GRID2: variants seen among roughly 807,000 people sequenced by gnomAD.
GRID2 encodes the protein glutamate receptor ionotropic, delta-2.
A neutral mutation model predicts 114.8 loss-of-function variants in GRID2; 33 were observed. That is an observed-to-expected ratio of 0.29 (90% confidence interval 0.22 to 0.38). The LOEUF is 0.38. GRID2 is among the 10% of genes least tolerant of loss of function. The pLI is 1.00. For missense variants in GRID2, 1,184 were observed against 1,257.7 expected (o/e 0.94, Z 0.89); for synonymous variants, 505 against 449.9 (o/e 1.12, Z -1.55).
At chr4:93,787,804 T>G (rs998674014) in intron 1 of GRID2, among the ~76,000 whole-genome samples, 1 of 152,172 alleles carries the variant, frequency 6.6e-6, no homozygotes, top group Non-Finnish European at 1.5e-5. Flanking sequence ...CAAGTTCAAG[T>G]GGAAATACAT....
intron 2 of GRID2, among the ~76,000 whole-genome samples, chr4:92,637,668 A>T (rs935999085): frequency 6.6e-6 from 1 of 152,044 alleles, no homozygotes; most frequent in Admixed American, 6.6e-5. Flanking sequence ...GAACTCCTAT[A>T]CATCTTTAAA....
intron 2 of GRID2, among the ~76,000 whole-genome samples, chr4:92,685,318 C>T (rs1387403434): frequency 6.6e-6 from 1 of 151,740 alleles, no homozygotes; most frequent in Non-Finnish European, 1.5e-5. Flanking sequence ...ATTTCCCGTG[C>T]CCAGGTAAGG....
chr4:93,387,244 C>T (rs897322780), intron 8 of GRID2, among the ~76,000 whole-genome samples: 10 of 152,250 alleles, frequency 6.6e-5, no homozygotes, highest in Admixed American at 3.9e-4. Context: ...AGGTATTACT[C>T]TTATTATTAC....
intron 10 of GRID2, among the ~76,000 whole-genome samples, chr4:93,428,329 T>C (rs1234497017): frequency 6.6e-6 from 1 of 152,112 alleles, no homozygotes; most frequent in African/African-American, 2.4e-5. Context: ...CTCTACCTCA[T>C]TTAAACCATA....
chr4:92,432,491 C>G (rs979361504), intron 1 of GRID2, among the ~76,000 whole-genome samples: 1 of 152,100 alleles, frequency 6.6e-6, no homozygotes, highest in Admixed American at 6.6e-5. Context: ...CCTCTCCTTT[C>G]TTCAAGCAGG....
chr4:92,815,791 T>C (rs1397018731), intron 2 of GRID2, among the ~76,000 whole-genome samples: 3 of 150,684 alleles, frequency 2.0e-5, no homozygotes, highest in Admixed American at 2.0e-4. Context: ...CATTGTGGTG[T>C]GTACCTGTAG....
intron 1 of GRID2, among the ~76,000 whole-genome samples, chr4:92,425,476 A>G (rs1025611666): frequency 1.3e-5 from 2 of 152,126 alleles, no homozygotes; most frequent in Non-Finnish European, 1.5e-5. Flanking sequence ...TACTTGCTTG[A>G]ACTTTTATAC....
intron 1 of GRID2, among the ~76,000 whole-genome samples, chr4:92,336,871 T>C (rs898458324): frequency 7.3e-5 from 11 of 151,560 alleles, no homozygotes; most frequent in Admixed American, 6.6e-4. Flanking sequence ...ATCACACCCA[T>C]CATGCCCCAC....
rs529666891 is a variant in GRID2 at position 93,773,214 on chromosome 4, A to T, written c.*716A>T. On this transcript the variant is annotated 3_prime_UTR_variant, in exon 16 of 16. Coordinates refer to ENST00000282020, the MANE Select transcript of GRID2 (RefSeq NM_001510.4). ...AAGCCTCTATTGTGTTAAATAAATT[A>T]GTATTTCATATATATACATATATAT... is the stretch of plus-strand genomic sequence containing the variant. 3.3e-5 allele frequency: 5 copies of T among 152,334 alleles called. No individual in the cohort carries two copies. The highest frequency in any genetic ancestry group is 1.2e-4 in the African/African-American group (5 of 41,590). The allele number at this position is 152,334 out of a possible 1,614,324, so 9.4% of individuals were successfully genotyped here. A position where few individuals can be genotyped will look rare whatever the true frequency, so the allele number is the denominator to read the frequency against.
chr4:93,740,558 G>T (rs966660745), intron 14 of GRID2, among the ~76,000 whole-genome samples: 1 of 152,174 alleles, frequency 6.6e-6, no homozygotes, highest in Non-Finnish European at 1.5e-5. Flanking sequence ...TGCTAACCAG[G>T]CTGCTGGAGT....
intron 1 of GRID2, among the ~76,000 whole-genome samples, chr4:92,417,177 T>C (rs1731658390): frequency 6.6e-6 from 1 of 152,162 alleles, no homozygotes; most frequent in African/African-American, 2.4e-5. Flanking sequence ...AAATAAATTT[T>C]TGTTTTTGAA....
At chr4:93,663,497 A>T (rs1391792305) in intron 14 of GRID2, among the ~76,000 whole-genome samples, 1 of 151,974 alleles carries the variant, frequency 6.6e-6, no homozygotes, top group Non-Finnish European at 1.5e-5. Flanking sequence ...ATACATATGT[A>T]TGTATTATGT....
chr4:92,857,415 A>G (rs890946441), intron 2 of GRID2, among the ~76,000 whole-genome samples: 4 of 152,174 alleles, frequency 2.6e-5, no homozygotes, highest in Non-Finnish European at 5.9e-5. Context: ...ACTCCAGTGA[A>G]CCCATGGATG....
intron 1 of GRID2, among the ~76,000 whole-genome samples, chr4:92,582,125 A>G (rs1209454425): frequency 6.6e-6 from 1 of 152,086 alleles, no homozygotes; most frequent in Non-Finnish European, 1.5e-5. Flanking sequence ...GTACCTGGCC[A>G]CAATTTGAAT....
rs1246889148 is a variant in GRID2 at position 92,547,271 on chromosome 4, A to C, written c.89-42860A>C. Among the ~76,000 whole-genome samples, 4 of 152,216 alleles carry C rather than the reference A, an allele frequency of 2.6e-5. No homozygotes were observed. In the East Asian group the frequency reaches 7.7e-4, roughly 29 times the overall value. On this transcript the variant is annotated intron_variant, in intron 1 of 15. Coordinates refer to ENST00000282020, the MANE Select transcript of GRID2 (RefSeq NM_001510.4). ...ACATGTATAACATTTATTCAGAATAATAGAATTAGCTTACCTTACTGAAGA... is the reference window on the plus strand; with the variant it reads ...ACATGTATAACATTTATTCAGAATACTAGAATTAGCTTACCTTACTGAAGA...
At chr4:92,453,250 T>C (rs1000821823) in intron 1 of GRID2, among the ~76,000 whole-genome samples, 5 of 151,366 alleles carry the variant, frequency 3.3e-5, no homozygotes, top group Non-Finnish European at 7.4e-5. Flanking sequence ...GGAAGGAGAG[T>C]TGGACTGACA....
At chr4:93,209,586 A>G (rs1415357562) in intron 5 of GRID2, among the ~76,000 whole-genome samples, 2 of 152,004 alleles carry the variant, frequency 1.3e-5, no homozygotes, top group Non-Finnish European at 2.9e-5. Context: ...ATGATAAAAC[A>G]ATTTATATTC....
intron 2 of GRID2, among the ~76,000 whole-genome samples, chr4:92,689,657 G>A (rs562908777): frequency 5.9e-5 from 9 of 152,278 alleles, no homozygotes; most frequent in African/African-American, 9.6e-5. Context: ...GTTTCATTTC[G>A]AAACCACCCC....
intron 4 of GRID2, among the ~76,000 whole-genome samples, chr4:93,139,239 G>T (rs1735541467): frequency 6.6e-6 from 1 of 152,158 alleles, no homozygotes; most frequent in African/African-American, 2.4e-5. Context: ...GGGAGACAGT[G>T]GTTATCTGAA....
Sources: allele counts gnomAD v4.1 joint callset (sites outside exome capture counted in the v4.1 genomes callset), GRCh38; gene constraint gnomAD v4.1.1; transcripts MANE v1.5; gene names NCBI Gene and HGNC (gene_info 2026-07-23, HGNC 2026-07-21).